The following HAS2 variants were observed in gnomAD, a reference collection of about 807,000 sequenced individuals.
HAS2 encodes the protein HA synthase 2.
In HAS2, 16 loss-of-function variants were observed where a neutral mutation model predicts 51.6. The observed-to-expected ratio is 0.31, with a 90% CI of 0.21 to 0.47. HAS2 has a LOEUF of 0.47. Among genes scored for constraint, HAS2 ranks in the 20% least tolerant of loss-of-function variants. The probability of loss-of-function intolerance (pLI) is 1.00; values close to 1 mark genes in which losing one functional copy is unlikely to be tolerated. For missense variants in HAS2, 361 were observed against 662.6 expected (o/e 0.54, Z 5.00); for synonymous variants, 228 against 235.5 (o/e 0.97, Z 0.29).
rs1813088248 is a variant in HAS2, at chr8:121,641,002, T to C, written c.-150A>G. ...AAAAATAAGAAATTTAAAAACAACA[T>C]TTAAAAAGGATAGGGGAGTCTTAAA... On this transcript the variant is annotated 5_prime_UTR_variant, in exon 1 of 4. An upstream start codon of the reference 5' UTR is lost. Coordinates refer to ENST00000303924, the MANE Select transcript of HAS2 (RefSeq NM_005328.3). 6.6e-6 allele frequency: 1 copy of C among 151,834 alleles called. No homozygotes were observed. The highest frequency in any genetic ancestry group is 6.6e-5 in the Admixed American group (1 of 15,224). 9.4% of individuals were successfully genotyped at this position (151,834 alleles called of 1,614,324 possible). A position where few individuals can be genotyped will look rare whatever the true frequency, so the allele number is the denominator to read the frequency against.
At chr8:121,624,010 G>A (rs1290615675) in intron 2 of HAS2, among the ~76,000 whole-genome samples, 2 of 152,194 alleles carry the variant, frequency 1.3e-5, no homozygotes, top group Non-Finnish European at 2.9e-5. Context: ...CAGAAACACA[G>A]GGCTGGGTTC....
intron 2 of HAS2, among the ~76,000 whole-genome samples, chr8:121,623,953 A>C (rs1334795008): frequency 1.3e-5 from 2 of 152,254 alleles, no homozygotes; most frequent in African/African-American, 4.8e-5. Flanking sequence ...TATTACATAA[A>C]GTTGCCAGGA....
intron 2 of HAS2, 45 bp from the exon 3 acceptor site, chr8:121,617,251 TATAA>T (rs762093454): frequency 5.3e-6 from 6 of 1,138,698 alleles, no homozygotes; most frequent in Non-Finnish European, 7.9e-6. Context: ...AAGGAAGAAC[TATAA>T]ATACATTCCC....
chr8:121,640,042 C>G (rs879404382), intron 1 of HAS2: 1 of 152,226 alleles, frequency 6.6e-6, no homozygotes, highest in Non-Finnish European at 1.5e-5. Flanking sequence ...GCGCAGCGCG[C>G]GGTCCCCACG....
At chr8:121,615,097 T>C in intron 3 of HAS2, 59 bp from the exon 4 acceptor site, 1 of 1,201,826 alleles carries the variant, frequency 8.3e-7, no homozygotes, top group Non-Finnish European at 1.2e-6. Context: ...CAGCAAAACC[T>C]GTTCCATCCT....
intron 1 of HAS2, among the ~76,000 whole-genome samples, chr8:121,635,157 C>T (rs1385447889): frequency 6.6e-6 from 1 of 152,134 alleles, no homozygotes; most frequent in Non-Finnish European, 1.5e-5. Flanking sequence ...GCTCTGCCAT[C>T]TACTACCAAT....
intron 2 of HAS2, among the ~76,000 whole-genome samples, chr8:121,627,323 A>G (rs1314077257): frequency 6.6e-6 from 1 of 152,178 alleles, no homozygotes; most frequent in African/African-American, 2.4e-5. Flanking sequence ...ATGTCCAAAG[A>G]TAACTGAAAC....
chr8:121,621,604 G>T (rs76328111), intron 2 of HAS2, among the ~76,000 whole-genome samples: 2 of 152,074 alleles, frequency 1.3e-5, no homozygotes, highest in Non-Finnish European at 2.9e-5. Flanking sequence ...TCACTAATAG[G>T]AACATAGGAA....
At chr8:121,633,598 C>G (rs1048659151) in intron 1 of HAS2, among the ~76,000 whole-genome samples, 2 of 152,162 alleles carry the variant, frequency 1.3e-5, no homozygotes, top group South Asian at 2.1e-4. Flanking sequence ...AAAGGAAGAG[C>G]CTGGTTCCAT....
Position 121,639,466 on chromosome 8 carries a change from CA to C in HAS2, c.-1+1386del, listed in dbSNP as rs1442917913. 5 of 153,098 alleles carry C rather than the reference CA, an allele frequency of 3.3e-5. No homozygotes were observed. In the Admixed American group the frequency reaches 3.3e-4, roughly 10 times the overall value. The allele number at this position is 153,098 out of a possible 1,614,324, so 9.5% of individuals were successfully genotyped here. ...CTGGGCTGCTGCAGCTCGTTCGCCC[CA>C]GAGGCGCGCGGTGTCCTTGAGTCCA... On this transcript the variant is annotated intron_variant, in intron 1 of 3. Coordinates refer to ENST00000303924, the MANE Select transcript of HAS2 (RefSeq NM_005328.3).
chr8:121,619,958 G>C (rs1563620705), intron 2 of HAS2, among the ~76,000 whole-genome samples: 1 of 152,148 alleles, frequency 6.6e-6, no homozygotes, highest in South Asian at 2.1e-4. Context: ...TCTTTGAAAT[G>C]ACTACACTGG....
In HAS2 at chr8:121,614,683, C is replaced by A; in HGVS notation, c.1085G>T (p.Trp362Leu). 6.2e-7 allele frequency: 1 copy of A among 1,614,168 alleles called. No homozygotes were observed. The highest frequency in any genetic ancestry group is 8.5e-7 in the Non-Finnish European group (1 of 1,180,018). ...TRWSKSYFRE[W>L]LYNAMWFHKH... ...GTGAAACCACATTGCATTGTACAGC[C>A]ATTCTCGGAAGTAGGACTTGCTCCA... The change falls in exon 4 of 4, where the codon TGG (tryptophan) becomes TTG (leucine). Residue 362 changes from tryptophan to leucine, a missense_variant. Physicochemically the swap from Trp to Leu is moderately conservative, Grantham distance 61. Around this residue, in one of 5 missense-constraint regions of HAS2, gnomAD observed 106 missense variants for 241.0 expected, o/e 0.44. Transcript: ENST00000303924. This position sits in a 1 kb window ranked among gnomAD's most constrained non-coding sequence, Gnocchi z 7.2.
At chr8:121,620,873 G>C in intron 2 of HAS2, among the ~76,000 whole-genome samples, 1 of 152,038 alleles carries the variant, frequency 6.6e-6, no homozygotes, top group Non-Finnish European at 1.5e-5. Flanking sequence ...ATCAAAAAAA[G>C]AATATTTTGT....
chr8:121,613,998 C>G lies in HAS2; in HGVS notation c.*111G>C. 1 of 1,557,112 alleles carries G rather than the reference C, an allele frequency of 6.4e-7. No homozygotes were observed. Reference sequence around the variant, plus strand: ...CATATAAATGTCTTTGTTCAAGTCCCAGCAGCAGTGATATGTCTCCTTTGG... The same window carrying G: ...CATATAAATGTCTTTGTTCAAGTCCGAGCAGCAGTGATATGTCTCCTTTGG... On this transcript the variant is annotated 3_prime_UTR_variant, in exon 4 of 4. Transcript: ENST00000303924.
At chr8:121,640,444 TGG>T (rs1157920622) in intron 1 of HAS2, among the ~76,000 whole-genome samples, 5 of 143,266 alleles carry the variant, frequency 3.5e-5, no homozygotes, top group East Asian at 2.0e-4. Flanking sequence ...TGTGTGTGTG[TGG>T]GAAAAAAAGA....
chr8:121,629,489 C>T, intron 1 of HAS2, 149 bp from the exon 2 acceptor site: 1 of 659,788 alleles, frequency 1.5e-6, no homozygotes. Flanking sequence ...ACTTTCTGCA[C>T]TTCAGTTTGC....
intron 2 of HAS2, among the ~76,000 whole-genome samples, chr8:121,627,207 G>T (rs139066268): frequency 6.6e-6 from 1 of 152,256 alleles, no homozygotes; most frequent in African/African-American, 2.4e-5. Context: ...TTAAAGTCCA[G>T]AACTTCATTT....
chr8:121,629,449 C>T, intron 1 of HAS2, 109 bp from the exon 2 acceptor site: 1 of 878,326 alleles, frequency 1.1e-6, no homozygotes, highest in South Asian at 1.7e-5. Context: ...GGAGTTTTAA[C>T]ACTCAATTTC....
intron 1 of HAS2, chr8:121,639,863 C>T (rs1463542518): frequency 6.6e-6 from 1 of 152,350 alleles, no homozygotes; most frequent in Non-Finnish European, 1.5e-5. Flanking sequence ...TTCCCTCCCA[C>T]CTCCACCCCA....
Sources: allele counts gnomAD v4.1 joint callset (sites outside exome capture counted in the v4.1 genomes callset), GRCh38; gene constraint gnomAD v4.1.1; regional missense constraint gnomAD v4.1.1; non-coding constraint Gnocchi (gnomAD v3.1); transcripts MANE v1.5; gene names NCBI Gene and HGNC (gene_info 2026-07-23, HGNC 2026-07-21).